The following PRELID2 variants were observed in gnomAD, a reference collection of about 807,000 sequenced individuals.
The protein encoded by PRELID2 is PRELI domain containing 2.
PRELID2 carries 25 observed loss-of-function variants against 28.4 expected under a neutral mutation model. The ratio of observed to expected loss-of-function variants is 0.88; its 90% CI spans 0.64 to 1.23. PRELID2 has a LOEUF of 1.23. PRELID2 is among the 50% of genes most tolerant of loss of function. The pLI is 0.00. For synonymous variants in PRELID2, 76 were observed against 71.6 expected (o/e 1.06, Z -0.31); for missense variants, 201 against 214.4 (o/e 0.94, Z 0.39).
chr5:145,462,587 T>C, the PRELID2 span, among the ~76,000 whole-genome samples: 1 of 152,240 alleles, frequency 6.6e-6, no homozygotes, highest in African/African-American at 2.4e-5. Flanking sequence ...CATCTTTCCC[T>C]ACCCTGCTCT....
intron 1 of PRELID2, among the ~76,000 whole-genome samples, chr5:145,583,030 C>CA (rs1221747511): frequency 1.3e-5 from 2 of 152,092 alleles, no homozygotes; most frequent in East Asian, 3.9e-4. Context: ...AGCATCGACG[C>CA]AAAAATTCTC....
intron 1 of PRELID2, among the ~76,000 whole-genome samples, chr5:145,647,157 G>A (rs571506552): frequency 1.3e-5 from 2 of 152,310 alleles, no homozygotes; most frequent in East Asian, 1.9e-4. Flanking sequence ...CAGGGAGATG[G>A]GGGTTTTATC....
chr5:145,598,569 G>A (rs779706990), intron 1 of PRELID2, among the ~76,000 whole-genome samples: 2 of 152,134 alleles, frequency 1.3e-5, no homozygotes, highest in Admixed American at 6.6e-5. Context: ...CGTAATTTTG[G>A]TATGAATTTG....
intron 4 of PRELID2, among the ~76,000 whole-genome samples, chr5:145,811,531 C>T (rs1753939841): frequency 6.6e-6 from 1 of 152,164 alleles, no homozygotes; most frequent in Non-Finnish European, 1.5e-5. Context: ...AAGATACTCC[C>T]ACTTTGGCCT....
chr5:145,365,356 T>A, the PRELID2 span, among the ~76,000 whole-genome samples: 3 of 151,900 alleles, frequency 2.0e-5, no homozygotes, highest in African/African-American at 7.2e-5. Context: ...CAAACATATA[T>A]CAAAACATCA....
chr5:145,514,594 T>G (rs1443652417), intron 1 of PRELID2, among the ~76,000 whole-genome samples: 1 of 151,990 alleles, frequency 6.6e-6, no homozygotes, highest in Non-Finnish European at 1.5e-5. Context: ...ATCAACAAGA[T>G]AGAAAATTAA....
At chr5:145,254,537 C>G in the PRELID2 span, among the ~76,000 whole-genome samples, 1 of 152,020 alleles carries the variant, frequency 6.6e-6, no homozygotes, top group Non-Finnish European at 1.5e-5. Context: ...AAGGCACAGG[C>G]TCATGTACCT....
intron 1 of PRELID2, among the ~76,000 whole-genome samples, chr5:145,540,916 T>A (rs763470197): frequency 1.3e-5 from 2 of 152,104 alleles, no homozygotes; most frequent in Middle Eastern, 3.4e-3. Context: ...TGTGATGGGA[T>A]AATGGCATAG....
chr5:145,602,860 T>C (rs1753416313), intron 1 of PRELID2, among the ~76,000 whole-genome samples: 1 of 152,020 alleles, frequency 6.6e-6, no homozygotes, highest in Admixed American at 6.6e-5. Flanking sequence ...GAGATGAGCC[T>C]GGCCAACAAG....
chr5:145,702,551 T>G (rs923463484), intron 1 of PRELID2, among the ~76,000 whole-genome samples: 4 of 152,184 alleles, frequency 2.6e-5, no homozygotes, highest in South Asian at 4.1e-4. Context: ...AAAAAAACTC[T>G]GACAGCTAGC....
At chr5:145,762,470 A>G (rs988005590) in intron 6 of PRELID2, among the ~76,000 whole-genome samples, 4 of 151,914 alleles carry the variant, frequency 2.6e-5, no homozygotes, top group African/African-American at 9.7e-5. Flanking sequence ...CCCAGAGGTC[A>G]AGGCTATGGT....
intron 3 of PRELID2, among the ~76,000 whole-genome samples, chr5:145,818,574 G>A (rs1372969808): frequency 6.6e-6 from 1 of 152,172 alleles, no homozygotes; most frequent in Non-Finnish European, 1.5e-5. Context: ...AAAGTTGAAT[G>A]CCTTTTTAAA....
At chr5:145,423,985 G>A in the PRELID2 span, among the ~76,000 whole-genome samples, 53 of 151,634 alleles carry the variant, frequency 3.5e-4, no homozygotes, top group East Asian at 5.8e-4. Flanking sequence ...GTCTGTTGGA[G>A]TACCCTGCCG....
chr5:145,738,802 T>C (rs1167647210), intron 1 of PRELID2, among the ~76,000 whole-genome samples: 18 of 152,098 alleles, frequency 1.2e-4, no homozygotes, highest in Admixed American at 1.2e-3. Context: ...TTCCCAAATT[T>C]GGCAAAACAC....
At position 145,645,015 on chromosome 5, in the gene PRELID2, T is replaced by C. The variant is rs911896134; in HGVS notation, n.70+119916A>G. Among the ~76,000 whole-genome samples the C allele has an allele frequency of 2.6e-5, 4 of 152,338 alleles. No individual in the cohort carries two copies. The East Asian group carries it at 7.7e-4, about 29-fold the overall frequency. On this transcript the variant is annotated intron_variant and non_coding_transcript_variant, in intron 1 of 2. Transcript: ENST00000510259. ...TGTTGATTTGGGGTGAAGAGTTCTGTAGATGTCTATTAAGTCCACTTGGTC... is the reference window on the plus strand; with the variant it reads ...TGTTGATTTGGGGTGAAGAGTTCTGCAGATGTCTATTAAGTCCACTTGGTC...
chr5:145,296,855 T>C, the PRELID2 span, among the ~76,000 whole-genome samples: 1 of 152,330 alleles, frequency 6.6e-6, no homozygotes, highest in East Asian at 1.9e-4. Flanking sequence ...CAGCACCAGT[T>C]GTTTCCTGAC....
chr5:145,361,349 C>A, the PRELID2 span, among the ~76,000 whole-genome samples: 2 of 152,086 alleles, frequency 1.3e-5, no homozygotes, highest in East Asian at 3.9e-4. Flanking sequence ...GGCTGAAGAC[C>A]GAGTGGCAGA....
At chr5:145,682,697 T>A (rs143608389) in intron 1 of PRELID2, among the ~76,000 whole-genome samples, 37 of 152,226 alleles carry the variant, frequency 2.4e-4, no homozygotes, top group Admixed American at 1.2e-3. Flanking sequence ...GTATTCACCA[T>A]GTGGGAAGGT....
chr5:145,438,270 AAAAG>A, the PRELID2 span, among the ~76,000 whole-genome samples: 5 of 152,184 alleles, frequency 3.3e-5, no homozygotes, highest in African/African-American at 1.2e-4. Flanking sequence ...GAAAAAATAG[AAAAG>A]AAAAAAAGAA....
Sources: allele counts gnomAD v4.1 joint callset (sites outside exome capture counted in the v4.1 genomes callset), GRCh38; gene constraint gnomAD v4.1.1; transcripts MANE v1.5; gene names NCBI Gene and HGNC (gene_info 2026-07-23, HGNC 2026-07-21).